CCSER1: variants seen among roughly 807,000 people sequenced by gnomAD.
CCSER1 encodes the protein serine-rich coiled-coil domain-containing protein 1.
CCSER1 carries 41 observed loss-of-function variants against 82.0 expected under a neutral mutation model. That is an observed-to-expected ratio of 0.50 (90% CI 0.39 to 0.65). The LOEUF is 0.65. Ranked by LOEUF, CCSER1 falls within the 30% of genes least tolerant of loss-of-function variation. The probability of loss-of-function intolerance (pLI) is 0.00; values close to 1 mark genes in which losing one functional copy is unlikely to be tolerated. For missense variants in CCSER1, 1,119 were observed against 1,064.2 expected (o/e 1.05, Z -0.72); for synonymous variants, 414 against 383.9 (o/e 1.08, Z -0.92).
intron 7 of CCSER1, among the ~76,000 whole-genome samples, chr4:90,758,126 C>T (rs1247913475): frequency 6.6e-6 from 1 of 151,950 alleles, no homozygotes; most frequent in African/African-American, 2.4e-5. Context: ...TTAGTAGAGA[C>T]TGGGTTTCTC....
intron 6 of CCSER1, among the ~76,000 whole-genome samples, chr4:90,645,898 G>T: frequency 6.6e-6 from 1 of 152,146 alleles, no homozygotes; most frequent in Non-Finnish European, 1.5e-5. Context: ...AAATACCACC[G>T]GAAAGATAAT....
At chr4:90,135,890 A>G (rs1160483974) in intron 1 of CCSER1, among the ~76,000 whole-genome samples, 1 of 152,254 alleles carries the variant, frequency 6.6e-6, no homozygotes, top group Non-Finnish European at 1.5e-5. Flanking sequence ...TGTTTACTGA[A>G]CAGCTTAATC....
chr4:90,795,444 G>A (rs1223326986), intron 7 of CCSER1, among the ~76,000 whole-genome samples: 1 of 152,140 alleles, frequency 6.6e-6, no homozygotes, highest in Admixed American at 6.5e-5. Flanking sequence ...CTGCAAACAG[G>A]GATAGTTTGA....
At chr4:90,875,971 C>T (rs530720761) in intron 8 of CCSER1, among the ~76,000 whole-genome samples, 9 of 152,238 alleles carry the variant, frequency 5.9e-5, no homozygotes, top group East Asian at 3.9e-4. Flanking sequence ...TCAGTGTTTA[C>T]GATAGCACAT....
chr4:91,169,763 TA>T lies in CCSER1; in HGVS notation c.2217+83781del, dbSNP rs547244651. ...ACAAGAAATAAAACTTTCTGGTAAT[TA>T]AAAAAAAAAAATTATGGCTGCTCTT... is the stretch of plus-strand genomic sequence containing the variant. On this transcript the variant is annotated intron_variant, in intron 10 of 10. Transcript: ENST00000509176. 8.1e-3 allele frequency among the ~76,000 whole-genome samples: 1,200 copies of T among 147,530 alleles called. 16 individuals are homozygous for T. Among genetic ancestry groups the T allele is most frequent in the African/African-American group, 0.025 (1,028 of 40,588 alleles).
At chr4:90,943,512 G>A (rs756174003) in intron 9 of CCSER1, among the ~76,000 whole-genome samples, 5 of 151,862 alleles carry the variant, frequency 3.3e-5, no homozygotes, top group African/African-American at 4.8e-5. Context: ...AAAACTTTAC[G>A]CAATATACTA....
At chr4:90,673,466 C>A (rs1733195418) in intron 6 of CCSER1, among the ~76,000 whole-genome samples, 1 of 151,900 alleles carries the variant, frequency 6.6e-6, no homozygotes, top group Non-Finnish European at 1.5e-5. Flanking sequence ...GGCCACTTAT[C>A]CCCAAACTTA....
chr4:90,495,178 C>T (rs955383476), intron 5 of CCSER1, among the ~76,000 whole-genome samples: 9 of 152,100 alleles, frequency 5.9e-5, no homozygotes, highest in Non-Finnish European at 1.0e-4. Flanking sequence ...CCCTCCCTTT[C>T]AATTTTAGAG....
chr4:91,362,005 G>A lies in CCSER1; in HGVS notation c.2218-236567G>A, dbSNP rs190503161. 2.5e-3 allele frequency among the ~76,000 whole-genome samples: 374 copies of A among 151,862 alleles called. 4 individuals are homozygous for A. The highest frequency in any genetic ancestry group is 8.2e-3 in the African/African-American group (341 of 41,482). On this transcript the variant is annotated intron_variant, in intron 10 of 10. Transcript: ENST00000509176. ...CTGAGCAGATATCTGAAGAAACTGA[G>A]GGAGAAAACCATAAGGATATGTGGG...
chr4:91,400,216 T>G (rs1437554565), intron 10 of CCSER1, among the ~76,000 whole-genome samples: 1 of 152,024 alleles, frequency 6.6e-6, no homozygotes, highest in Non-Finnish European at 1.5e-5. Flanking sequence ...GTTTTTCAGA[T>G]TTAATAAATG....
At chr4:91,153,888 C>T (rs1024716750) in intron 10 of CCSER1, among the ~76,000 whole-genome samples, 1 of 151,782 alleles carries the variant, frequency 6.6e-6, no homozygotes, top group Non-Finnish European at 1.5e-5. Context: ...CTCAGAGGGG[C>T]CCCCGGCTGT....
chr4:90,636,965 G>A (rs2148961429), intron 6 of CCSER1, among the ~76,000 whole-genome samples: 1 of 152,062 alleles, frequency 6.6e-6, no homozygotes, highest in East Asian at 1.9e-4. Flanking sequence ...GACAGAATTA[G>A]CAGTAAATTT....
chr4:90,693,294 AATT>A (rs1269676892), intron 6 of CCSER1: 4 of 152,074 alleles, frequency 2.6e-5, no homozygotes, highest in Middle Eastern at 3.4e-3. Flanking sequence ...ACAGATGTGA[AATT>A]ATTATTTCCA....
At chr4:90,969,027 T>G (rs1351835104) in intron 9 of CCSER1, among the ~76,000 whole-genome samples, 1 of 151,330 alleles carries the variant, frequency 6.6e-6, no homozygotes, top group Admixed American at 6.6e-5. Flanking sequence ...GGAATAAAAA[T>G]TGAAATAGTC....
At chr4:90,264,357 A>C (rs1483462491) in intron 1 of CCSER1, among the ~76,000 whole-genome samples, 1 of 152,180 alleles carries the variant, frequency 6.6e-6, no homozygotes, top group Non-Finnish European at 1.5e-5. Context: ...TTTATACTGC[A>C]AACCTGACTC....
At chr4:91,061,502 T>C (rs1743950265) in intron 9 of CCSER1, among the ~76,000 whole-genome samples, 1 of 151,972 alleles carries the variant, frequency 6.6e-6, no homozygotes, top group Non-Finnish European at 1.5e-5. Context: ...TTTGAAGAAA[T>C]ATCCAGCTAG....
At chr4:91,488,586 A>G (rs1183469413) in intron 10 of CCSER1, among the ~76,000 whole-genome samples, 3 of 152,104 alleles carry the variant, frequency 2.0e-5, no homozygotes, top group Non-Finnish European at 4.4e-5. Flanking sequence ...TTAGCACGAG[A>G]ACTGGTTGTT....
chr4:90,798,644 A>C (rs1007910710), intron 7 of CCSER1, among the ~76,000 whole-genome samples: 2 of 152,152 alleles, frequency 1.3e-5, no homozygotes, highest in African/African-American at 4.8e-5. Context: ...TGACATTTGC[A>C]TGGGTTTTTA....
At chr4:90,441,494 A>G (rs1214146302) in intron 4 of CCSER1, among the ~76,000 whole-genome samples, 1 of 152,018 alleles carries the variant, frequency 6.6e-6, no homozygotes, top group Non-Finnish European at 1.5e-5. Flanking sequence ...TAAGGGCACT[A>G]ATTCCACCAT....
Sources: allele counts gnomAD v4.1 joint callset (sites outside exome capture counted in the v4.1 genomes callset), GRCh38; gene constraint gnomAD v4.1.1; transcripts MANE v1.5; gene names NCBI Gene and HGNC (gene_info 2026-07-23, HGNC 2026-07-21).